Variants in UBE2W observed in about 807,000 individuals in gnomAD.
The protein encoded by UBE2W is ubiquitin-conjugating enzyme E2 W.
Under a neutral mutation model 27.2 loss-of-function variants are expected in UBE2W, and 18 were observed. The observed-to-expected ratio is 0.66, with a 90% CI of 0.46 to 0.98. The LOEUF is 0.98. Among genes scored for constraint, UBE2W ranks in the 50% least tolerant of loss-of-function variants. The pLI is 0.00. For synonymous variants in UBE2W, 53 were observed against 57.2 expected, an observed-to-expected ratio of 0.93 and a Z score of 0.33; for missense variants, 90 against 180.2, an observed-to-expected ratio of 0.50 and a Z score of 2.87.
chr8:73,832,124 A>AC, intron 1 of UBE2W, among the ~76,000 whole-genome samples: 2 of 136,400 alleles, frequency 1.5e-5, no homozygotes, highest in African/African-American at 7.0e-5. Context: ...AAACAAACAA[A>AC]AAAAATAAAT....
At chr8:73,853,728 AG>A (rs1362206053) in intron 1 of UBE2W, among the ~76,000 whole-genome samples, 1 of 152,234 alleles carries the variant, frequency 6.6e-6, no homozygotes, top group Non-Finnish European at 1.5e-5. Flanking sequence ...ACTATTTTCA[AG>A]CTTAAAGTTC....
chr8:73,802,370 G>T (rs1808681261), intron 5 of UBE2W, among the ~76,000 whole-genome samples: 1 of 151,912 alleles, frequency 6.6e-6, no homozygotes. Context: ...TGCCTATTTT[G>T]TTTTTTATCC....
intron 1 of UBE2W, among the ~76,000 whole-genome samples, chr8:73,878,266 G>A (rs1241808558): frequency 6.6e-6 from 1 of 152,232 alleles, no homozygotes; most frequent in Non-Finnish European, 1.5e-5. Context: ...AAGAAGAGAG[G>A]GACGGGGCCG....
intron 1 of UBE2W, among the ~76,000 whole-genome samples, chr8:73,867,668 G>C (rs1175407108): frequency 6.7e-6 from 1 of 150,326 alleles, no homozygotes; most frequent in Non-Finnish European, 1.5e-5. Flanking sequence ...CCAAGATCAT[G>C]CCACAGCCAC....
chr8:73,877,881 GA>G (rs1483625680), intron 1 of UBE2W, among the ~76,000 whole-genome samples: 1 of 152,134 alleles, frequency 6.6e-6, no homozygotes, highest in Non-Finnish European at 1.5e-5. Context: ...CTAGATTCGG[GA>G]AAAAGGAGTA....
At chr8:73,784,263 TG>T (rs1466262517), downstream of UBE2W, among the ~76,000 whole-genome samples, 1 of 152,226 alleles carries the variant, frequency 6.6e-6, no homozygotes, top group Admixed American at 6.5e-5. Flanking sequence ...CCCAGCACTC[TG>T]TGATTACCCC....
At chr8:73,818,493 C>T (rs546980018) in intron 3 of UBE2W, among the ~76,000 whole-genome samples, 1 of 152,244 alleles carries the variant, frequency 6.6e-6, no homozygotes, top group South Asian at 2.1e-4. Flanking sequence ...CAAAGGCTTC[C>T]CCATCTCACT....
Position 73,787,392 on chromosome 8 carries a change from T to A in UBE2W, c.*6710A>T. On this transcript the variant is annotated 3_prime_UTR_variant, in exon 6 of 6. Transcript: ENST00000602593. ...CTTAAACTAATGGAGAAAAGTCAAA[T>A]CCTACTATGGAAAGTAGAAATTAAG... is the stretch of plus-strand genomic sequence containing the variant. 1 of 985,352 alleles carries A rather than the reference T, an allele frequency of 1.0e-6. No individual in the cohort carries two copies. The highest frequency in any genetic ancestry group is 1.2e-6 in the Non-Finnish European group (1 of 829,908). 61.0% of individuals were successfully genotyped at this position (985,352 alleles called of 1,614,324 possible).
At chr8:73,863,724 C>T (rs1158031711) in intron 1 of UBE2W, among the ~76,000 whole-genome samples, 1 of 151,986 alleles carries the variant, frequency 6.6e-6, no homozygotes, top group East Asian at 1.9e-4. Flanking sequence ...TGCCAGGGCA[C>T]TCCAGCCTGG....
intron 1 of UBE2W, among the ~76,000 whole-genome samples, chr8:73,844,619 T>C (rs1363675097): frequency 6.7e-6 from 1 of 149,852 alleles, no homozygotes; most frequent in Non-Finnish European, 1.5e-5. Context: ...TCGTCTGGGA[T>C]GTGAGGAGCC....
chr8:73,814,220 T>C (rs762718280), intron 3 of UBE2W, among the ~76,000 whole-genome samples: 12 of 152,230 alleles, frequency 7.9e-5, no homozygotes, highest in Non-Finnish European at 1.8e-4. Context: ...CAAGAAATTA[T>C]TAAGTTGTTT....
rs931718851 is a variant in UBE2W at position 73,798,881 on chromosome 8, T to C, written c.443-4766A>G. ...ATAAGAAAATTCCTTAGCCCATCTATATGCTGAGGTGAGTTGTCTATTTTG... is the reference window on the plus strand; with the variant it reads ...ATAAGAAAATTCCTTAGCCCATCTACATGCTGAGGTGAGTTGTCTATTTTG... On this transcript the variant is annotated intron_variant, in intron 5 of 5. Transcript: ENST00000602593. Among the ~76,000 whole-genome samples the C allele has an allele frequency of 1.6e-4, 24 of 152,310 alleles. No homozygotes were observed. In the Middle Eastern group the frequency reaches 0.01, roughly 65 times the overall value.
intron 1 of UBE2W, among the ~76,000 whole-genome samples, chr8:73,853,016 G>GCT (rs1811141175): frequency 6.6e-6 from 1 of 152,102 alleles, no homozygotes; most frequent in Admixed American, 6.6e-5. Context: ...CCAAAGTATT[G>GCT]GAATTAAGAG....
chr8:73,854,278 TAAATA>T (rs1265050608), intron 1 of UBE2W, among the ~76,000 whole-genome samples: 1 of 151,872 alleles, frequency 6.6e-6, no homozygotes, highest in Admixed American at 6.6e-5. Context: ...AAAAAATAAA[TAAATA>T]AATAAATAAA....
In UBE2W at chr8:73,793,724, CTT is replaced by C; in HGVS notation, c.*376_*377del. ...ATTGAATGGCAGGAGTTAATGAAAACTTTTCCTGTTACAACGCCCATTGCCGG... is the reference window on the plus strand; with the variant it reads ...ATTGAATGGCAGGAGTTAATGAAAACTTCCTGTTACAACGCCCATTGCCGG... On this transcript the variant is annotated 3_prime_UTR_variant, in exon 6 of 6. Coordinates refer to ENST00000602593, the MANE Select transcript of UBE2W (RefSeq NM_018299.6). 3.0e-6 allele frequency: 3 copies of C among 1,005,408 alleles called. No homozygotes were observed. The highest frequency in any genetic ancestry group is 3.6e-6 in the Non-Finnish European group (3 of 843,210). 62.3% of individuals were successfully genotyped at this position (1,005,408 alleles called of 1,614,324 possible).
At chr8:73,826,852 C>T (rs944248702) in intron 2 of UBE2W, among the ~76,000 whole-genome samples, 1 of 152,174 alleles carries the variant, frequency 6.6e-6, no homozygotes, top group African/African-American at 2.4e-5. Flanking sequence ...ACGTAAAAAA[C>T]CTAGCACATT....
chr8:73,868,661 G>A (rs1811875459), intron 1 of UBE2W, among the ~76,000 whole-genome samples: 1 of 148,072 alleles, frequency 6.8e-6, no homozygotes, highest in Admixed American at 6.7e-5. Flanking sequence ...TGCCAGAAAT[G>A]AACTGCAGAA....
At chr8:73,830,637 C>G (rs114634661) in intron 1 of UBE2W, among the ~76,000 whole-genome samples, 165 bp from the exon 2 acceptor site, 2,518 of 151,552 alleles carry the variant, frequency 0.017, 60 homozygotes, top group African/African-American at 0.058. Flanking sequence ...CAGGCACACA[C>G]CACAATGCCC....
chr8:73,826,464 A>G (rs763239733), intron 2 of UBE2W, among the ~76,000 whole-genome samples: 2 of 152,226 alleles, frequency 1.3e-5, no homozygotes, highest in Non-Finnish European at 2.9e-5. Context: ...AACAAAAGGA[A>G]GATAGAAAAT....
Sources: gnomAD v4.1 joint callset for allele counts (sites outside exome capture counted in the v4.1 genomes callset) on GRCh38, gnomAD v4.1.1 for gene constraint, MANE v1.5 for transcripts, NCBI Gene and HGNC (gene_info 2026-07-23, HGNC 2026-07-21) for gene names.